Variants in PTRHD1 observed in about 807,000 individuals in gnomAD.
The protein encoded by PTRHD1 is peptidyl-tRNA hydrolase domain containing 1.
Under a neutral mutation model 13.6 loss-of-function variants are expected in PTRHD1, and 12 were observed. That is an observed-to-expected ratio of 0.88 (90% CI 0.57 to 1.43). PTRHD1 has a LOEUF of 1.43. PTRHD1 is among the 40% of genes most tolerant of loss of function. PTRHD1 has a pLI of 0.00. For synonymous variants in PTRHD1, 86 were observed against 79.5 expected, an observed-to-expected ratio of 1.08 and a Z score of -0.43; for missense variants, 203 against 184.7, an observed-to-expected ratio of 1.10 and a Z score of -0.57.
chr2:24,793,232 G>A lies in PTRHD1; in HGVS notation c.146C>T (p.Ala49Val), dbSNP rs771247103. The A allele has an allele frequency of 1.2e-6, 2 of 1,613,434 alleles. No homozygotes were observed. The highest frequency in any genetic ancestry group is 2.2e-5 in the East Asian group (1 of 44,876). The part of the protein sequence containing the change: ...PFSWPAGALV[A>V]QACHAATAAL... Reference sequence around the variant, plus strand: ...CGCGGTGGCCGCGTGACAAGCCTGCGCTACCAGTGCGCCCGCCGGCCAGGA... The same window carrying A: ...CGCGGTGGCCGCGTGACAAGCCTGCACTACCAGTGCGCCCGCCGGCCAGGA... The change falls in exon 1 of 2, where the codon GCG becomes GTG. Residue 49 changes from alanine to valine, a missense_variant. Physicochemically the swap from Ala to Val is moderately conservative, Grantham distance 64. Transcript: ENST00000328379.
At chr2:24,790,874 C>T (rs371843703) in intron 1 of PTRHD1, among the ~76,000 whole-genome samples, 6 of 151,892 alleles carry the variant, frequency 4.0e-5, no homozygotes, top group East Asian at 3.9e-4. Context: ...CTATGGCTGG[C>T]GCCCATAATT....
intron 1 of PTRHD1, among the ~76,000 whole-genome samples, chr2:24,791,132 C>G (rs1665613616): frequency 6.6e-6 from 1 of 152,012 alleles, no homozygotes; most frequent in Admixed American, 6.6e-5. Flanking sequence ...ACCATGTTGC[C>G]CAGGCTGGTC....
intron 1 of PTRHD1, 35 bp downstream of exon 1, chr2:24,793,091 G>A: frequency 1.9e-6 from 3 of 1,595,948 alleles, no homozygotes; most frequent in South Asian, 1.1e-5. Flanking sequence ...CGCCCTCGAT[G>A]TCTCAGCACC....
At chr2:24,793,043 C>T (rs1665675022) in intron 1 of PTRHD1, 83 bp downstream of exon 1, 2 of 1,482,566 alleles carry the variant, frequency 1.3e-6, no homozygotes, top group Non-Finnish European at 1.8e-6. Flanking sequence ...ACCCACTCCC[C>T]GCAGCCAGGC....
chr2:24,792,815 C>T (rs1382937391), intron 1 of PTRHD1: 2 of 471,288 alleles, frequency 4.2e-6, no homozygotes, highest in African/African-American at 3.9e-5. Context: ...CCTTCGGGCT[C>T]GGTTTTGCAG....
At position 24,793,247 on chromosome 2, in the gene PTRHD1, G is replaced by A. The variant is rs760248897; in HGVS notation, c.131C>T (p.Ala44Val). The stretch of plus-strand genomic sequence containing the variant: ...ACAAGCCTGCGCTACCAGTGCGCCC[G>A]CCGGCCAGGAGAACGGAGCTTGTGA... ...DLSQAPFSWPAGALVAQACHA... is the reference protein window; with the variant it reads ...DLSQAPFSWPVGALVAQACHA... The change falls in exon 1 of 2, where the codon GCG (alanine) becomes GTG (valine). Residue 44 changes from alanine to valine, a missense_variant. Coordinates refer to ENST00000328379, the MANE Select transcript of PTRHD1 (RefSeq NM_001013663.2). The A allele has an allele frequency of 8.1e-6, 13 of 1,613,770 alleles. No individual in the cohort carries two copies. The highest frequency in any genetic ancestry group is 2.7e-5 in the African/African-American group (2 of 74,946).
intron 1 of PTRHD1, among the ~76,000 whole-genome samples, chr2:24,791,791 C>G (rs1316713632): frequency 6.6e-6 from 1 of 152,212 alleles, no homozygotes; most frequent in Non-Finnish European, 1.5e-5. Flanking sequence ...TAATGGGGAT[C>G]AATGAAATCA....
Position 24,789,748 on chromosome 2 carries a change from A to C in PTRHD1, c.*663T>G, listed in dbSNP as rs911125034. 6.6e-6 allele frequency: 1 copy of C among 152,294 alleles called. No individual in the cohort carries two copies. Among genetic ancestry groups the C allele is most frequent in the African/African-American group, 2.4e-5 (1 of 41,468 alleles). The allele number at this position is 152,294 out of a possible 1,614,324, so 9.4% of individuals were successfully genotyped here. On this transcript the variant is annotated 3_prime_UTR_variant, in exon 2 of 2. Coordinates refer to ENST00000328379, the MANE Select transcript of PTRHD1 (RefSeq NM_001013663.2). ...ACAGCTGTAGTACTTGACAGATTTC[A>C]TTGAATCTAATAAATCTGTATGTAT...
chr2:24,791,890 A>T (rs1665634309), intron 1 of PTRHD1, among the ~76,000 whole-genome samples: 1 of 152,254 alleles, frequency 6.6e-6, no homozygotes, highest in Non-Finnish European at 1.5e-5. Flanking sequence ...CCTTCTGACT[A>T]CAGCGGCACC....
intron 1 of PTRHD1, 136 bp from the exon 2 acceptor site, chr2:24,790,717 T>C: frequency 1.4e-6 from 1 of 719,816 alleles, no homozygotes; most frequent in Non-Finnish European, 2.2e-6. Context: ...AGAGCAATGA[T>C]GTCATTCCGT....
At chr2:24,790,976 T>C (rs971751633) in intron 1 of PTRHD1, among the ~76,000 whole-genome samples, 4 of 151,236 alleles carry the variant, frequency 2.6e-5, no homozygotes. Flanking sequence ...TGGGCTAGAG[T>C]GCAGTGGCAC....
chr2:24,791,078 C>T (rs1041789193), intron 1 of PTRHD1, among the ~76,000 whole-genome samples: 1 of 152,124 alleles, frequency 6.6e-6, no homozygotes, highest in Non-Finnish European at 1.5e-5. Flanking sequence ...GCGCACACCA[C>T]TACACCTGGC....
Position 24,793,206 on chromosome 2 carries a change from C to T in PTRHD1, c.172G>A (p.Ala58Thr). 3 of 1,612,924 alleles carry T rather than the reference C, an allele frequency of 1.9e-6. No homozygotes were observed. Among genetic ancestry groups the T allele is most frequent in the African/African-American group, 2.7e-5 (2 of 74,798 alleles). ...VAQACHAATA[A>T]LHTHRDHPHT... ...GGGTGGTCGCGGTGAGTGTGCAAGGCCGCGGTGGCCGCGTGACAAGCCTGC... is the reference window on the plus strand; with the variant it reads ...GGGTGGTCGCGGTGAGTGTGCAAGGTCGCGGTGGCCGCGTGACAAGCCTGC... Residue 58 changes from alanine to threonine, a missense_variant, in exon 1 of 2, where the codon GCC becomes ACC. Physicochemically the swap from Ala to Thr is moderately conservative, Grantham distance 58. Coordinates refer to ENST00000328379, the MANE Select transcript of PTRHD1 (RefSeq NM_001013663.2).
intron 1 of PTRHD1, chr2:24,792,823 CAGG>C (rs1182673354): frequency 2.5e-5 from 12 of 481,726 alleles, no homozygotes; most frequent in East Asian, 1.1e-4. Flanking sequence ...CTCGGTTTTG[CAGG>C]AGGACAGCAC....
At chr2:24,790,963 G>A (rs12988066) in intron 1 of PTRHD1, among the ~76,000 whole-genome samples, 154 of 150,146 alleles carry the variant, frequency 1.0e-3, no homozygotes, top group Non-Finnish European at 1.5e-3. Flanking sequence ...TTGCTCTGTC[G>A]CCTGGGCTAG....
Position 24,790,295 on chromosome 2 carries a change from G to T in PTRHD1, c.*116C>A. The T allele has an allele frequency of 8.3e-7, 1 of 1,200,008 alleles. No homozygotes were observed. The highest frequency in any genetic ancestry group is 1.2e-6 in the Non-Finnish European group (1 of 855,604). The allele number at this position is 1,200,008 out of a possible 1,614,324, so 74.3% of individuals were successfully genotyped here. On this transcript the variant is annotated 3_prime_UTR_variant, in exon 2 of 2. Coordinates refer to ENST00000328379, the MANE Select transcript of PTRHD1 (RefSeq NM_001013663.2). ...TTAATGACAACTTTAATATGAACAT[G>T]TGCTTAACCCTCAAGAAATTGTCAC... is the stretch of plus-strand genomic sequence containing the variant.
rs188267424 is a variant in PTRHD1, at chr2:24,792,778, C to G, written c.252+348G>C. On this transcript the variant is annotated intron_variant, in intron 1 of 1. Coordinates refer to ENST00000328379, the MANE Select transcript of PTRHD1 (RefSeq NM_001013663.2). ...ATTTGGCGTCCTACCCAGGTAAATA[C>G]TCAGTTTGACTTCACTTTGCACTGT... The G allele has an allele frequency of 3.2e-4, 106 of 329,924 alleles. No homozygotes were observed. The South Asian group carries it at 5.2e-3, about 16-fold the overall frequency. 20.4% of individuals were successfully genotyped at this position (329,924 alleles called of 1,614,324 possible).
intron 1 of PTRHD1, chr2:24,792,404 G>A (rs1380064956): frequency 6.6e-6 from 1 of 152,192 alleles, no homozygotes; most frequent in Non-Finnish European, 1.5e-5. Flanking sequence ...TTAATATGTA[G>A]ATGTATTTCT....
rs1387817972 is a variant in PTRHD1 at position 24,790,447 on chromosome 2, C to T, written c.387G>A (p.Val129=). ...IALRPYPKEE[V]GQYLKKFRLF... ...ATCGGAACTTCTTCAAATACTGGCC[C>T]ACTTCTTCCTTGGGGTAGGGCCGGA... The change falls in exon 2 of 2, where the codon GTG becomes GTA. Residue 129 remains valine, a synonymous_variant. Transcript: ENST00000328379. 7.4e-6 allele frequency: 12 copies of T among 1,614,148 alleles called. No individual in the cohort carries two copies. Among genetic ancestry groups the T allele is most frequent in the Admixed American group, 1.7e-5 (1 of 60,000 alleles).
Sources: allele counts gnomAD v4.1 joint callset (sites outside exome capture counted in the v4.1 genomes callset), GRCh38; gene constraint gnomAD v4.1.1; transcripts MANE v1.5; gene names NCBI Gene and HGNC (gene_info 2026-07-23, HGNC 2026-07-21).